The following ZBTB7C variants were observed in gnomAD, a reference collection of about 807,000 sequenced individuals.
ZBTB7C encodes the protein zinc finger and BTB domain containing 7C.
A neutral mutation model predicts 25.7 loss-of-function variants in ZBTB7C; 8 were observed. The observed-to-expected ratio is 0.31, with a 90% CI of 0.18 to 0.56. The LOEUF (loss-of-function observed/expected upper bound fraction) is 0.56, where lower values mean the gene tolerates loss of function less well. Among genes scored for constraint, ZBTB7C ranks in the 20% least tolerant of loss-of-function variants. The pLI is 0.91. For synonymous variants in ZBTB7C, 394 were observed against 369.0 expected, an observed-to-expected ratio of 1.07 and a Z score of -0.78; for missense variants, 824 against 855.2, an observed-to-expected ratio of 0.96 and a Z score of 0.46.
At chr18:48,086,699 G>A (rs1301362852) in intron 3 of ZBTB7C, among the ~76,000 whole-genome samples, 1 of 152,194 alleles carries the variant, frequency 6.6e-6, no homozygotes, top group Non-Finnish European at 1.5e-5. Flanking sequence ...CCTGGATTCT[G>A]AGGGCTCTGC....
At position 48,372,916 on chromosome 18, in the gene ZBTB7C, A is replaced by G. The variant is rs563164254; in HGVS notation, c.-303-34518T>C. ...AATCGTTCCTCAATACCCAGCTTAC[A>G]TGTCTCCATGTCCAACCCTCCCTGG... On this transcript the variant is annotated intron_variant, in intron 1 of 4. Coordinates refer to ENST00000590800, the MANE Select transcript of ZBTB7C (RefSeq NM_001318841.2). Among the ~76,000 whole-genome samples, 3 of 152,166 alleles carry G rather than the reference A, an allele frequency of 2.0e-5. No individual in the cohort carries two copies. The South Asian group carries it at 6.2e-4, about 32-fold the overall frequency.
chr18:48,148,685 TGAC>T (rs2040572873), intron 3 of ZBTB7C: 1 of 152,214 alleles, frequency 6.6e-6, no homozygotes, highest in South Asian at 2.1e-4. Flanking sequence ...CAAAATCTGG[TGAC>T]GAATTCTTGC....
rs930357110 is a variant in ZBTB7C at position 48,235,005 on chromosome 18, G to A, written c.-78-49010C>T. On this transcript the variant is annotated intron_variant, in intron 2 of 4. Coordinates refer to ENST00000590800, the MANE Select transcript of ZBTB7C (RefSeq NM_001318841.2). ...GTGATATGAATATAACAATACTAGCGTTCTTTTGGCCAGTGTTTGCCCAGT... is the reference window on the plus strand; with the variant it reads ...GTGATATGAATATAACAATACTAGCATTCTTTTGGCCAGTGTTTGCCCAGT... 5.9e-5 allele frequency among the ~76,000 whole-genome samples: 9 copies of A among 152,046 alleles called. No homozygotes were observed. The South Asian group carries it at 6.2e-4, about 11-fold the overall frequency.
intron 2 of ZBTB7C, among the ~76,000 whole-genome samples, chr18:48,240,649 G>A (rs961835832): frequency 1.3e-5 from 2 of 152,098 alleles, no homozygotes; most frequent in African/African-American, 2.4e-5. Flanking sequence ...CAAATGATGA[G>A]AGAATTCACC....
At position 48,374,894 on chromosome 18, in the gene ZBTB7C, G is replaced by A. The variant is rs1250452251; in HGVS notation, c.-304+34332C>T. ...GCCAGCTAGACCCCGGCAGACAGCC[G>A]GCAGGGTGCTGGCCTGGAAGAGAGT... On this transcript the variant is annotated intron_variant, in intron 1 of 4. Coordinates refer to ENST00000590800, the MANE Select transcript of ZBTB7C (RefSeq NM_001318841.2). 7.9e-5 allele frequency among the ~76,000 whole-genome samples: 12 copies of A among 152,356 alleles called. No individual in the cohort carries two copies. The South Asian group carries it at 1.4e-3, about 18-fold the overall frequency.
intron 3 of ZBTB7C, among the ~76,000 whole-genome samples, chr18:48,178,276 G>T (rs2041752855): frequency 6.6e-6 from 1 of 152,202 alleles, no homozygotes; most frequent in Non-Finnish European, 1.5e-5. Flanking sequence ...GTCTGCACGG[G>T]AGGCCCCACA....
chr18:48,240,939 G>C (rs1207750238), intron 2 of ZBTB7C, among the ~76,000 whole-genome samples: 3 of 152,142 alleles, frequency 2.0e-5, no homozygotes, highest in African/African-American at 7.2e-5. Context: ...CCAAGTATCT[G>C]CTGTCTTCAA....
intron 2 of ZBTB7C, among the ~76,000 whole-genome samples, chr18:48,220,270 G>A (rs1249132568): frequency 6.6e-6 from 1 of 152,212 alleles, no homozygotes; most frequent in Non-Finnish European, 1.5e-5. Context: ...CCAGGATGGA[G>A]AGGGGATGAA....
chr18:48,194,273 C>G (rs1238938958), intron 2 of ZBTB7C, among the ~76,000 whole-genome samples: 3 of 152,244 alleles, frequency 2.0e-5, no homozygotes, highest in East Asian at 1.9e-4. Context: ...CCTGCCCAGA[C>G]AGCCAGGGGA....
At chr18:48,309,389 G>A (rs892040209) in intron 2 of ZBTB7C, among the ~76,000 whole-genome samples, 1 of 152,202 alleles carries the variant, frequency 6.6e-6, no homozygotes, top group Non-Finnish European at 1.5e-5. Flanking sequence ...CCTAAGGGTT[G>A]TCACTTATCA....
intron 2 of ZBTB7C, among the ~76,000 whole-genome samples, chr18:48,255,915 A>C (rs2044008152): frequency 6.6e-6 from 1 of 152,222 alleles, no homozygotes; most frequent in Non-Finnish European, 1.5e-5. Context: ...AAAAAGAATA[A>C]GGAATTTGAA....
intron 4 of ZBTB7C, among the ~76,000 whole-genome samples, chr18:48,038,244 AAC>A (rs2036061427): frequency 6.6e-6 from 1 of 152,068 alleles, no homozygotes; most frequent in African/African-American, 2.4e-5. Context: ...AGGGCAAGGG[AAC>A]ACATCCTGGG....
chr18:48,244,053 A>C (rs564292960), intron 2 of ZBTB7C, among the ~76,000 whole-genome samples: 45 of 152,292 alleles, frequency 3.0e-4, no homozygotes, highest in African/African-American at 1.0e-3. Context: ...TAAATCTAAG[A>C]CTCAAAACTG....
At chr18:48,056,040 CA>C (rs1332322228) in intron 3 of ZBTB7C, among the ~76,000 whole-genome samples, 1 of 151,996 alleles carries the variant, frequency 6.6e-6, no homozygotes, top group African/African-American at 2.4e-5. Context: ...GAAGAGTTGG[CA>C]AAAAAGTCAT....
intron 2 of ZBTB7C, among the ~76,000 whole-genome samples, chr18:48,288,420 G>C (rs938625354): frequency 6.6e-6 from 1 of 152,046 alleles, no homozygotes; most frequent in Non-Finnish European, 1.5e-5. Flanking sequence ...GGCCAAACCG[G>C]GTGGATCACC....
At chr18:48,223,222 T>C (rs1168783505) in intron 2 of ZBTB7C, among the ~76,000 whole-genome samples, 7 of 152,164 alleles carry the variant, frequency 4.6e-5, no homozygotes, top group Non-Finnish European at 2.9e-5. Flanking sequence ...CCCAGGAATC[T>C]GGAGACCTGG....
Position 48,029,550 on chromosome 18 carries a change from A to C in ZBTB7C, c.1570T>G (p.Cys524Gly). ...TTGGCGGGGCTGGGGCCCGGGAGGC[A>C]CACAGCTGCGCCGCCCAGGTGGCCG... ...VGGHLGGAAV[C>G]LPGPSPAKHF... Residue 524 changes from cysteine (C) to glycine (G), a missense_variant, in exon 5 of 5, where the codon TGC becomes GGC. This residue lies in a region of ZBTB7C where 342 missense variants were observed against 307.0 expected (regional missense o/e 1.11). Coordinates refer to ENST00000590800, the MANE Select transcript of ZBTB7C (RefSeq NM_001318841.2). 6.4e-7 allele frequency: 1 copy of C among 1,554,520 alleles called. No individual in the cohort carries two copies. Among genetic ancestry groups the C allele is most frequent in the South Asian group, 1.2e-5 (1 of 84,888 alleles).
intron 1 of ZBTB7C, among the ~76,000 whole-genome samples, chr18:48,355,918 A>G (rs1310445413): frequency 6.6e-6 from 1 of 152,178 alleles, no homozygotes; most frequent in Non-Finnish European, 1.5e-5. Context: ...ACCCCAGGTG[A>G]GCGGGCTGAG....
chr18:48,218,782 A>C (rs541008512), intron 2 of ZBTB7C, among the ~76,000 whole-genome samples: 1 of 152,110 alleles, frequency 6.6e-6, no homozygotes, highest in East Asian at 1.9e-4. Flanking sequence ...GGGGCTACCC[A>C]CCTACAGGCC....
Sources: allele counts gnomAD v4.1 joint callset (sites outside exome capture counted in the v4.1 genomes callset), GRCh38; gene constraint gnomAD v4.1.1; regional missense constraint gnomAD v4.1.1; transcripts MANE v1.5; gene names NCBI Gene and HGNC (gene_info 2026-07-23, HGNC 2026-07-21).